Variants in POLR2B observed in about 807,000 individuals in gnomAD.
POLR2B encodes DNA-directed RNA polymerase II subunit RPB2.
POLR2B carries 57 observed loss-of-function variants against 144.6 expected under a neutral mutation model. That is an observed-to-expected ratio of 0.39 (90% CI 0.32 to 0.49). The LOEUF (loss-of-function observed/expected upper bound fraction) is 0.49, where lower values mean the gene tolerates loss of function less well. POLR2B is among the 20% of genes least tolerant of loss of function. The pLI is 0.83. For missense variants in POLR2B, 595 were observed against 1,467.4 expected (o/e 0.41, Z 9.71); for synonymous variants, 442 against 469.8 (o/e 0.94, Z 0.77).
At chr4:57,026,219 C>CA (rs1723714716) in intron 23 of POLR2B, among the ~76,000 whole-genome samples, 2 of 152,056 alleles carry the variant, frequency 1.3e-5, no homozygotes, top group African/African-American at 4.8e-5. Flanking sequence ...GCCTGGGTGA[C>CA]AGAGTGAGAC....
intron 6 of POLR2B, among the ~76,000 whole-genome samples, chr4:56,995,869 C>T (rs1265559039): frequency 6.6e-6 from 1 of 152,128 alleles, no homozygotes; most frequent in Admixed American, 6.6e-5. Flanking sequence ...GCAAAAAGAG[C>T]CATAGAGAGT....
chr4:57,018,883 A>G (rs896694253), intron 16 of POLR2B, among the ~76,000 whole-genome samples: 2 of 152,156 alleles, frequency 1.3e-5, no homozygotes, highest in Non-Finnish European at 2.9e-5. Flanking sequence ...GATGGTGGGT[A>G]AAATGGTGAA....
rs146583466 is a variant in POLR2B, at chr4:57,026,441, A to T, written c.3239+904A>T. 2.2e-3 allele frequency among the ~76,000 whole-genome samples: 332 copies of T among 152,308 alleles called. 1 individual carries two copies. Among genetic ancestry groups the T allele is most frequent in the Non-Finnish European group, 3.6e-3 (244 of 68,024 alleles). On this transcript the variant is annotated intron_variant, in intron 23 of 24. Coordinates refer to ENST00000314595, the MANE Select transcript of POLR2B (RefSeq NM_000938.3). ...TTCTCCTATAAATTTTTCAGTGTATATCTTTAAAACAATGGTTCTCAAATG... is the reference window on the plus strand; with the variant it reads ...TTCTCCTATAAATTTTTCAGTGTATTTCTTTAAAACAATGGTTCTCAAATG...
intron 1 of POLR2B, among the ~76,000 whole-genome samples, chr4:56,983,352 C>T (rs929404931): frequency 2.0e-4 from 30 of 146,498 alleles, no homozygotes; most frequent in Non-Finnish European, 3.4e-4. Flanking sequence ...GTTTATAACA[C>T]GAGATCTCTG....
At chr4:56,987,829 C>G (rs1276794389) in intron 2 of POLR2B, among the ~76,000 whole-genome samples, 1 of 151,624 alleles carries the variant, frequency 6.6e-6, no homozygotes, top group African/African-American at 2.4e-5. Flanking sequence ...TTGCAGTTAG[C>G]TGAGATGATG....
chr4:57,016,544 T>C (rs979115746), intron 14 of POLR2B, among the ~76,000 whole-genome samples: 2 of 151,804 alleles, frequency 1.3e-5, no homozygotes, highest in Non-Finnish European at 2.9e-5. Flanking sequence ...TTTTGTGATA[T>C]ATTAAAATCT....
chr4:56,982,412 A>C (rs1419571112), intron 1 of POLR2B, among the ~76,000 whole-genome samples: 1 of 152,056 alleles, frequency 6.6e-6, no homozygotes, highest in Non-Finnish European at 1.5e-5. Context: ...TCTACAAAAA[A>C]ATTTAAAAAA....
intron 7 of POLR2B, among the ~76,000 whole-genome samples, chr4:57,001,290 C>G (rs1722846281): frequency 6.6e-6 from 1 of 151,486 alleles, no homozygotes; most frequent in African/African-American, 2.4e-5. Flanking sequence ...TTGTGAGTAG[C>G]TGGGATTACA....
intron 24 of POLR2B, 144 bp from the exon 25 acceptor site, chr4:57,030,743 AAAGAACCACCAT>A (rs997092195): frequency 6.8e-6 from 4 of 589,966 alleles, no homozygotes; most frequent in Non-Finnish European, 9.1e-6. Flanking sequence ...CTACTAGGAG[AAAGAACCACCAT>A]AAGCTGAGGT....
chr4:57,010,637 C>A, intron 11 of POLR2B, 111 bp from the exon 12 acceptor site: 1 of 1,342,648 alleles, frequency 7.4e-7, no homozygotes, highest in Non-Finnish European at 1.0e-6. Flanking sequence ...TAATTGTATT[C>A]TTAGAAAGTA....
At chr4:56,994,970 T>G in intron 5 of POLR2B, 104 bp downstream of exon 5, 4 of 763,664 alleles carry the variant, frequency 5.2e-6, no homozygotes, top group Non-Finnish European at 8.2e-6. Context: ...TCCTGCAGGA[T>G]AACCTGGCAC....
chr4:57,006,705 C>T, intron 9 of POLR2B, 111 bp from the exon 10 acceptor site: 1 of 781,748 alleles, frequency 1.3e-6, no homozygotes, highest in Non-Finnish European at 2.1e-6. Context: ...TTCACTCTGC[C>T]CAAACAATTT....
At chr4:57,025,769 G>C (rs1446127937) in intron 23 of POLR2B, among the ~76,000 whole-genome samples, 3 of 151,988 alleles carry the variant, frequency 2.0e-5, no homozygotes, top group African/African-American at 7.3e-5. Context: ...CTGGAGTGCA[G>C]TGGCATGCCC....
At chr4:57,019,206 A>G (rs1341767660) in intron 16 of POLR2B, among the ~76,000 whole-genome samples, 2 of 152,174 alleles carry the variant, frequency 1.3e-5, no homozygotes, top group Non-Finnish European at 2.9e-5. Flanking sequence ...TTTCTCCAAC[A>G]TTTAGATAAT....
At chr4:57,001,510 A>G (rs1306708837) in intron 7 of POLR2B, among the ~76,000 whole-genome samples, 4 of 152,226 alleles carry the variant, frequency 2.6e-5, no homozygotes, top group Non-Finnish European at 5.9e-5. Context: ...AGGACAGGCC[A>G]TTTATTTTGT....
In POLR2B at chr4:56,994,629, C is replaced by G. The variant is rs1181264041; in HGVS notation, c.357-18C>G. ...AGATACCCTATTGCTTAACTGTGAT[C>G]TACTTTTATTTTCAAAGGTATTCTG... On this transcript the variant is annotated intron_variant, in intron 4 of 24. Coordinates refer to ENST00000314595, the MANE Select transcript of POLR2B (RefSeq NM_000938.3). 5.2e-6 allele frequency: 8 copies of G among 1,546,544 alleles called. No individual in the cohort carries two copies. The Admixed American group carries it at 8.4e-5, about 16-fold the overall frequency.
At chr4:56,997,001 A>G (rs1363973595) in intron 6 of POLR2B, among the ~76,000 whole-genome samples, 1 of 152,134 alleles carries the variant, frequency 6.6e-6, no homozygotes, top group Non-Finnish European at 1.5e-5. Flanking sequence ...CGGGAAGCTG[A>G]GGTGGGAAGA....
At chr4:57,001,747 C>A (rs1344098617) in intron 7 of POLR2B, among the ~76,000 whole-genome samples, 1 of 152,114 alleles carries the variant, frequency 6.6e-6, no homozygotes, top group Non-Finnish European at 1.5e-5. Flanking sequence ...TTGTGGGAAC[C>A]TTTTATGGGA....
intron 1 of POLR2B, among the ~76,000 whole-genome samples, chr4:56,983,861 T>G (rs942119211): frequency 6.7e-6 from 1 of 150,134 alleles, no homozygotes; most frequent in African/African-American, 2.4e-5. Flanking sequence ...GTCAGGAATA[T>G]TCATATCACT....
Sources: allele counts gnomAD v4.1 joint callset (sites outside exome capture counted in the v4.1 genomes callset), GRCh38; gene constraint gnomAD v4.1.1; transcripts MANE v1.5; gene names NCBI Gene and HGNC (gene_info 2026-07-23, HGNC 2026-07-21).